DAB1: variants seen among roughly 807,000 people sequenced by gnomAD.
DAB1 encodes disabled homolog 1.
DAB1 carries 15 observed loss-of-function variants against 64.6 expected under a neutral mutation model. The observed-to-expected ratio is 0.23, with a 90% CI of 0.16 to 0.36. The LOEUF (loss-of-function observed/expected upper bound fraction) is 0.36. Ranked by LOEUF, DAB1 falls within the 10% of genes least tolerant of loss-of-function variation. DAB1 has a pLI of 1.00. For missense variants in DAB1, 596 were observed against 706.7 expected (o/e 0.84, Z 1.78); for synonymous variants, 235 against 251.9 (o/e 0.93, Z 0.64).
chr1:57,315,191 T>C (rs1675088772), intron 1 of DAB1, among the ~76,000 whole-genome samples: 1 of 152,206 alleles, frequency 6.6e-6, no homozygotes, highest in Non-Finnish European at 1.5e-5. Flanking sequence ...AAAGTGGTTT[T>C]CTGAGGCCAC....
chr1:57,841,104 C>T (rs996248281), intron 1 of DAB1, among the ~76,000 whole-genome samples: 19 of 152,216 alleles, frequency 1.2e-4, no homozygotes, highest in Non-Finnish European at 1.5e-5. Flanking sequence ...CTGGCCAAAA[C>T]AAATGGGCTA....
chr1:57,354,747 G>A (rs77685828), intron 1 of DAB1, among the ~76,000 whole-genome samples: 4,355 of 152,192 alleles, frequency 0.029, 99 homozygotes, highest in Middle Eastern at 0.095. Context: ...TGCTTTGTCT[G>A]CTAATGTTAG....
chr1:58,197,809 C>A (rs910196149), intron 4 of DAB1, among the ~76,000 whole-genome samples: 9 of 150,998 alleles, frequency 6.0e-5, no homozygotes, highest in African/African-American at 1.7e-4. Flanking sequence ...TCCTTAATTT[C>A]TACTTACCAG....
intron 3 of DAB1, among the ~76,000 whole-genome samples, chr1:58,482,496 A>G (rs1645504762): frequency 6.6e-6 from 1 of 152,218 alleles, no homozygotes; most frequent in Admixed American, 6.5e-5. Context: ...CTTAATATTT[A>G]GGAGTTTTAA....
chr1:57,032,466 T>A (rs1346448097), intron 9 of DAB1, among the ~76,000 whole-genome samples: 1 of 152,156 alleles, frequency 6.6e-6, no homozygotes, highest in Non-Finnish European at 1.5e-5. Flanking sequence ...CCTAGAACAC[T>A]CATTCCTTCT....
intron 5 of DAB1, among the ~76,000 whole-genome samples, chr1:58,095,658 G>A (rs999852879): frequency 6.6e-6 from 1 of 152,158 alleles, no homozygotes; most frequent in African/African-American, 2.4e-5. Flanking sequence ...TCTTCCTGAC[G>A]GATATTGTTA....
chr1:57,815,805 A>G (rs562197300), intron 6 of DAB1, among the ~76,000 whole-genome samples: 7 of 152,286 alleles, frequency 4.6e-5, no homozygotes, highest in Non-Finnish European at 1.0e-4. Context: ...GTAAACGGTA[A>G]TATGTACATA....
intron 11 of DAB1, among the ~76,000 whole-genome samples, chr1:57,021,069 GGGCACACA>G (rs1466530530): frequency 6.6e-6 from 1 of 152,156 alleles, no homozygotes; most frequent in East Asian, 1.9e-4. Flanking sequence ...GGGAGAAATA[GGGCACACA>G]GTTTAACACC....
At chr1:57,695,167 T>G (rs935266990) in intron 6 of DAB1, among the ~76,000 whole-genome samples, 1 of 151,338 alleles carries the variant, frequency 6.6e-6, no homozygotes, top group Admixed American at 6.6e-5. Context: ...GAGGCTGCAT[T>G]GAGCTAAGAT....
intron 3 of DAB1, among the ~76,000 whole-genome samples, chr1:58,348,111 G>A (rs115030035): frequency 0.015 from 2,301 of 152,172 alleles, 63 homozygotes; most frequent in African/African-American, 0.053. Context: ...TGCTCTGTTG[G>A]TCCTTTTGCC....
intron 4 of DAB1, among the ~76,000 whole-genome samples, chr1:57,086,464 T>C (rs1234784006): frequency 6.6e-6 from 1 of 152,100 alleles, no homozygotes; most frequent in Non-Finnish European, 1.5e-5. Context: ...CTGTTCTTTT[T>C]CTCTGGGTTA....
At chr1:57,478,695 C>T (rs1257206821) in intron 7 of DAB1, among the ~76,000 whole-genome samples, 4 of 147,036 alleles carry the variant, frequency 2.7e-5, no homozygotes, top group African/African-American at 5.0e-5. Context: ...TGGGTTCAAG[C>T]GATTCTCCTG....
At chr1:57,720,679 A>C (rs568824938) in intron 6 of DAB1, among the ~76,000 whole-genome samples, 1 of 152,372 alleles carries the variant, frequency 6.6e-6, no homozygotes, top group South Asian at 2.1e-4. Context: ...GCTTTGGCAC[A>C]ATGCCTGTCA....
intron 2 of DAB1, among the ~76,000 whole-genome samples, chr1:58,517,685 T>C (rs1024699254): frequency 7.9e-5 from 12 of 152,172 alleles, no homozygotes; most frequent in African/African-American, 2.9e-4. Context: ...TGTATCCCTA[T>C]AATCTGGAAG....
intron 7 of DAB1, among the ~76,000 whole-genome samples, chr1:57,547,170 G>T (rs531570163): frequency 6.6e-6 from 1 of 152,216 alleles, no homozygotes; most frequent in African/African-American, 2.4e-5. Flanking sequence ...TCTATGACTG[G>T]CTTCTCTGCT....
At chr1:57,811,376 T>C (rs981420064) in intron 6 of DAB1, among the ~76,000 whole-genome samples, 1 of 152,182 alleles carries the variant, frequency 6.6e-6, no homozygotes, top group African/African-American at 2.4e-5. Flanking sequence ...TCTGGTTGTT[T>C]AAAAGTGTGT....
chr1:58,114,123 G>A (rs1219949343), intron 5 of DAB1, among the ~76,000 whole-genome samples: 2 of 151,830 alleles, frequency 1.3e-5, no homozygotes, highest in Non-Finnish European at 2.9e-5. Flanking sequence ...CCTGGGCATG[G>A]TGGCACATGC....
At position 57,754,456 on chromosome 1, in the gene DAB1, T is replaced by G. The variant is rs149125469; in HGVS notation, n.552-104791A>C. 1.7e-3 allele frequency among the ~76,000 whole-genome samples: 260 copies of G among 150,706 alleles called. 2 individuals are homozygous for G. Among genetic ancestry groups the G allele is most frequent in the African/African-American group, 5.7e-3 (235 of 41,046 alleles). The stretch of plus-strand genomic sequence containing the variant: ...ATCCCAGCACTTTGGGAGGCCGAGG[T>G]GGGTGGATCACCTGAGGTCAGGAGA... On this transcript the variant is annotated intron_variant and non_coding_transcript_variant, in intron 6 of 20. Coordinates refer to the DAB1 transcript ENST00000485760.
chr1:57,189,774 G>A (rs1487695518), intron 2 of DAB1, among the ~76,000 whole-genome samples: 1 of 151,620 alleles, frequency 6.6e-6, no homozygotes, highest in Admixed American at 6.6e-5. Context: ...AGGCAGGCTT[G>A]CCCCAAACTC....
Sources: allele counts gnomAD v4.1 joint callset (sites outside exome capture counted in the v4.1 genomes callset), GRCh38; gene constraint gnomAD v4.1.1; transcripts MANE v1.5; gene names NCBI Gene and HGNC (gene_info 2026-07-23, HGNC 2026-07-21).